The following HDAC5 variants were observed in gnomAD, a reference collection of about 807,000 sequenced individuals.
HDAC5 encodes the protein histone deacetylase 5.
HDAC5 carries 25 observed loss-of-function variants against 133.3 expected under a neutral mutation model. That is an observed-to-expected ratio of 0.19 (90% CI 0.14 to 0.26). HDAC5 has a LOEUF of 0.26. HDAC5 is among the 10% of genes least tolerant of loss of function. The pLI is 1.00. For missense variants in HDAC5, 1,041 were observed against 1,460.5 expected (o/e 0.71, Z 4.68); for synonymous variants, 589 against 610.8 (o/e 0.96, Z 0.53).
At chr17:44,104,440 G>A (rs567016282) in intron 3 of HDAC5, among the ~76,000 whole-genome samples, 4 of 152,322 alleles carry the variant, frequency 2.6e-5, no homozygotes, top group Admixed American at 2.0e-4. Context: ...CCCACCAGAG[G>A]GAAGTCTTAG....
intron 3 of HDAC5, among the ~76,000 whole-genome samples, chr17:44,101,495 T>C (rs774900938): frequency 8.0e-5 from 12 of 149,898 alleles, no homozygotes; most frequent in Non-Finnish European, 1.5e-4. Flanking sequence ...CCAAGGGGCG[T>C]AGAGTACAAG....
chr17:44,098,946 A>G (rs923086740), intron 3 of HDAC5, among the ~76,000 whole-genome samples: 2 of 151,588 alleles, frequency 1.3e-5, no homozygotes, highest in Non-Finnish European at 2.9e-5. Flanking sequence ...GAAAAACCCC[A>G]TCTTTACTAA....
chr17:44,111,601 T>C (rs1333675376), intron 2 of HDAC5: 1 of 517,974 alleles, frequency 1.9e-6, no homozygotes, highest in African/African-American at 1.9e-5. Flanking sequence ...GTAAAGGAAT[T>C]GGAAGGGTCT....
intron 3 of HDAC5, among the ~76,000 whole-genome samples, chr17:44,095,353 C>T (rs1034024711): frequency 1.3e-5 from 2 of 152,204 alleles, no homozygotes; most frequent in Non-Finnish European, 2.9e-5. Context: ...AAGCCTCATA[C>T]TAGAAGAGAA....
intron 3 of HDAC5, among the ~76,000 whole-genome samples, chr17:44,108,508 A>G (rs918087484): frequency 6.6e-6 from 1 of 151,690 alleles, no homozygotes; most frequent in Non-Finnish European, 1.5e-5. Context: ...CCTTGCCCCA[A>G]CCCCTTGGGC....
At chr17:44,097,695 C>T (rs1229793188) in intron 3 of HDAC5, among the ~76,000 whole-genome samples, 1 of 152,284 alleles carries the variant, frequency 6.6e-6, no homozygotes, top group Non-Finnish European at 1.5e-5. Context: ...CTGCTGCTCC[C>T]GGCAATGCCG....
At chr17:44,080,671 C>T (rs2050348687) in intron 21 of HDAC5, 92 bp downstream of exon 21, 2 of 1,570,866 alleles carry the variant, frequency 1.3e-6, no homozygotes, top group Non-Finnish European at 1.7e-6. Flanking sequence ...GGTACCAACA[C>T]CACCATGGGC....
In HDAC5 at chr17:44,078,855, A is replaced by G. The variant is rs775240843; in HGVS notation, c.3103T>C (p.Leu1035=). ...VELQPLDEAV[L]QQKPNINAVA... The stretch of plus-strand genomic sequence containing the variant: ...GCGTTGATGTTGGGCTTTTGCTGCA[A>G]GACTGCCTCATCCAAGGGCTGCAGC... Residue 1035 remains leucine (L), a synonymous_variant, in exon 25 of 27, where the codon TTG becomes CTG. Transcript: ENST00000682912. The G allele has an allele frequency of 2.1e-4, 333 of 1,614,052 alleles. 5 individuals carry two copies. The East Asian group carries it at 7.4e-3, about 36-fold the overall frequency.
chr17:44,084,888 G>A, intron 15 of HDAC5, 134 bp downstream of exon 15: 1 of 1,312,492 alleles, frequency 7.6e-7, no homozygotes, highest in South Asian at 1.4e-5. Context: ...GGATGGAACG[G>A]GGTGGTGGGA....
At chr17:44,085,397 T>C in intron 14 of HDAC5, 1 of 347,948 alleles carries the variant, frequency 2.9e-6, no homozygotes, top group Non-Finnish European at 5.2e-6. Flanking sequence ...GTAGTGGTGC[T>C]ATCATGGCTC....
At chr17:44,119,849 C>A (rs2052878595) in intron 1 of HDAC5, 1 of 152,220 alleles carries the variant, frequency 6.6e-6, no homozygotes. Flanking sequence ...AGTGGGAAGT[C>A]AGGGACACCA....
At chr17:44,107,766 C>T (rs934234232) in intron 3 of HDAC5, among the ~76,000 whole-genome samples, 3 of 152,200 alleles carry the variant, frequency 2.0e-5, no homozygotes, top group African/African-American at 4.8e-5. Context: ...CTGAAGAGCA[C>T]GAACACGAAT....
At chr17:44,090,220 G>C (rs1292834409) in intron 11 of HDAC5, among the ~76,000 whole-genome samples, 1 of 151,800 alleles carries the variant, frequency 6.6e-6, no homozygotes, top group South Asian at 2.1e-4. Flanking sequence ...GCAACAGAGC[G>C]AGACTCAGTC....
intron 3 of HDAC5, among the ~76,000 whole-genome samples, chr17:44,104,150 G>A (rs180837477): frequency 7.3e-5 from 11 of 151,508 alleles, no homozygotes; most frequent in South Asian, 6.3e-4. Context: ...GTGAAACCCC[G>A]TCTCTACTAA....
rs1472999676 is a variant in HDAC5, at chr17:44,087,630, G to C, written c.1666C>G (p.Leu556Val). 1 of 1,613,618 alleles carries C rather than the reference G, an allele frequency of 6.2e-7. No homozygotes were observed. Among genetic ancestry groups the C allele is most frequent in the Non-Finnish European group, 8.5e-7 (1 of 1,179,778 alleles). The part of the protein sequence containing the change: ...TTHPEETEEE[L>V]TEQQEVLLGE... Reference sequence around the variant, plus strand: ...AGCAAGACCTCCTGCTGCTCCGTCAGCTCCTCCTCTGTCTCCTCAGGGTGG... The same window carrying C: ...AGCAAGACCTCCTGCTGCTCCGTCACCTCCTCCTCTGTCTCCTCAGGGTGG... The change falls in exon 13 of 27, where the codon CTG (leucine) becomes GTG (valine). Residue 556 changes from leucine (L) to valine (V), a missense_variant. Leu to Val is a conservative substitution (Grantham distance 32, BLOSUM62 1). Coordinates refer to ENST00000682912, the MANE Select transcript of HDAC5 (RefSeq NM_005474.5).
intron 1 of HDAC5, among the ~76,000 whole-genome samples, chr17:44,121,786 C>T (rs1217634511): frequency 6.6e-6 from 1 of 152,060 alleles, no homozygotes; most frequent in East Asian, 1.9e-4. Context: ...ATGATCCAGC[C>T]AAAGTAGGAG....
intron 3 of HDAC5, among the ~76,000 whole-genome samples, chr17:44,107,451 T>A (rs1337749051): frequency 6.6e-6 from 1 of 151,700 alleles, no homozygotes; most frequent in Non-Finnish European, 1.5e-5. Flanking sequence ...CTACTAAAAA[T>A]ACAAAAATTA....
intron 11 of HDAC5, among the ~76,000 whole-genome samples, chr17:44,090,277 C>G (rs185162835): frequency 6.6e-6 from 1 of 151,940 alleles, no homozygotes; most frequent in Non-Finnish European, 1.5e-5. Context: ...CCTGTCTCTA[C>G]AAAAATTAAA....
chr17:44,086,406 C>T (rs1319335632), intron 14 of HDAC5, among the ~76,000 whole-genome samples, 166 bp downstream of exon 14: 1 of 152,244 alleles, frequency 6.6e-6, no homozygotes, highest in South Asian at 2.1e-4. Context: ...GGCCCTGCCG[C>T]TACCATGAAC....
Sources: allele counts gnomAD v4.1 joint callset (sites outside exome capture counted in the v4.1 genomes callset), GRCh38; gene constraint gnomAD v4.1.1; transcripts MANE v1.5; gene names NCBI Gene and HGNC (gene_info 2026-07-23, HGNC 2026-07-21).